Variants in DENND2B observed in about 807,000 individuals in gnomAD.
The protein encoded by DENND2B is DENN domain-containing protein 2B.
In DENND2B, 32 loss-of-function variants were observed where a neutral mutation model predicts 116.0. That is an observed-to-expected ratio of 0.28 (90% CI 0.21 to 0.37). The LOEUF (loss-of-function observed/expected upper bound fraction) is 0.37. Among genes scored for constraint, DENND2B ranks in the 10% least tolerant of loss-of-function variants. DENND2B has a pLI of 1.00. For missense variants in DENND2B, 1,276 were observed against 1,477.7 expected (o/e 0.86, Z 2.24); for synonymous variants, 588 against 583.9 (o/e 1.01, Z -0.10).
intron 1 of DENND2B, among the ~76,000 whole-genome samples, chr11:8,884,180 T>C (rs756950779): frequency 2.0e-4 from 31 of 152,072 alleles, no homozygotes; most frequent in Non-Finnish European, 2.8e-4. Flanking sequence ...TAATTCACGA[T>C]TCAACCAACA....
chr11:8,792,564 AG>A (rs2059478750), intron 1 of DENND2B, among the ~76,000 whole-genome samples: 1 of 152,234 alleles, frequency 6.6e-6, no homozygotes, highest in African/African-American at 2.4e-5. Flanking sequence ...TGTATGTAAA[AG>A]CTCTCACAAG....
chr11:8,806,507 T>C (rs16906056), intron 1 of DENND2B, among the ~76,000 whole-genome samples: 41,667 of 151,602 alleles, frequency 0.27, 5,958 homozygotes, highest in Middle Eastern at 0.38. Context: ...CAACAGTACA[T>C]TCATGACATC....
Position 8,693,357 on chromosome 11 carries a change from G to C in DENND2B, c.*739C>G, listed in dbSNP as rs1433010105. On this transcript the variant is annotated 3_prime_UTR_variant, in exon 20 of 20. Coordinates refer to ENST00000313726, the MANE Select transcript of DENND2B (RefSeq NM_213618.2). Reference sequence around the variant, plus strand: ...AGCCAAGGAACACATGAGGCTCTGGGCCCAAACAACTGTACATTGTTTATT... The same window carrying C: ...AGCCAAGGAACACATGAGGCTCTGGCCCCAAACAACTGTACATTGTTTATT... 6.5e-6 allele frequency: 1 copy of C among 152,702 alleles called. No individual in the cohort carries two copies. Among genetic ancestry groups the C allele is most frequent in the Non-Finnish European group, 1.5e-5 (1 of 68,120 alleles). 9.5% of individuals were successfully genotyped at this position (152,702 alleles called of 1,614,324 possible).
rs759409868 is a variant in DENND2B at position 8,750,666 on chromosome 11, G to T, written c.35C>A (p.Thr12Asn). Reference protein sequence around the residue: ...TMTANKNSSITHGAGGTKAPR... With the variant: ...TMTANKNSSINHGAGGTKAPR... ...GGCTTTAGTGCCACCAGCTCCGTGG[G>T]TGATGCTGGAATTCTTGTTGGCAGT... The change falls in exon 2 of 20, where the codon ACC becomes AAC. Residue 12 changes from threonine to asparagine, a missense_variant. Coordinates refer to ENST00000313726, the MANE Select transcript of DENND2B (RefSeq NM_213618.2). The T allele has an allele frequency of 3.7e-6, 6 of 1,614,034 alleles. No homozygotes were observed. In the East Asian group the frequency reaches 1.3e-4, roughly 36 times the overall value.
At chr11:8,761,063 A>G (rs1454395560) in intron 1 of DENND2B, among the ~76,000 whole-genome samples, 2 of 152,072 alleles carry the variant, frequency 1.3e-5, no homozygotes, top group Non-Finnish European at 2.9e-5. Flanking sequence ...TTCAACCTCA[A>G]CCATTTTTCA....
At chr11:8,762,691 T>A (rs2054899175) in intron 1 of DENND2B, among the ~76,000 whole-genome samples, 1 of 152,136 alleles carries the variant, frequency 6.6e-6, no homozygotes. Flanking sequence ...AGAAATCTCA[T>A]CTCTACTAAA....
rs567812901 is a variant in DENND2B, at chr11:8,696,436, G to C, written c.3283C>G (p.Arg1095Gly). 1 of 1,614,110 alleles carries C rather than the reference G, an allele frequency of 6.2e-7. No individual in the cohort carries two copies. Among genetic ancestry groups the C allele is most frequent in the Non-Finnish European group, 8.5e-7 (1 of 1,180,022 alleles). The change falls in exon 18 of 20, where the codon CGG becomes GGG. Residue 1095 changes from arginine to glycine, a missense_variant. This residue lies in a region of DENND2B where 420 missense variants were observed against 631.1 expected (regional missense o/e 0.67). Coordinates refer to ENST00000313726, the MANE Select transcript of DENND2B (RefSeq NM_213618.2). ...GATAACCAAGACTTACCCTTTGCCCGACACTTTCTTAGCTCCCTGTCTTGG... is the reference window on the plus strand; with the variant it reads ...GATAACCAAGACTTACCCTTTGCCCCACACTTTCTTAGCTCCCTGTCTTGG... ...FIQDRELRKC[R>G]AKGLFEQRVE...
At chr11:8,813,714 C>T (rs2061473056), upstream of DENND2B, among the ~76,000 whole-genome samples, 1 of 152,148 alleles carries the variant, frequency 6.6e-6, no homozygotes, top group Non-Finnish European at 1.5e-5. Context: ...TGAAGTAATC[C>T]AAACTTAAGA....
chr11:8,795,748 C>T (rs1403566254), intron 1 of DENND2B, among the ~76,000 whole-genome samples: 1 of 152,180 alleles, frequency 6.6e-6, no homozygotes, highest in Non-Finnish European at 1.5e-5. Flanking sequence ...CTTCCTGCTT[C>T]CTGGGGAAAG....
At chr11:8,756,185 C>T (rs958119227) in intron 1 of DENND2B, among the ~76,000 whole-genome samples, 1 of 152,046 alleles carries the variant, frequency 6.6e-6, no homozygotes, top group African/African-American at 2.4e-5. Flanking sequence ...GTGGCATGAC[C>T]AGAAACTGAA....
chr11:8,761,527 C>T (rs1346218662), intron 1 of DENND2B, among the ~76,000 whole-genome samples: 1 of 152,238 alleles, frequency 6.6e-6, no homozygotes, highest in Non-Finnish European at 1.5e-5. Flanking sequence ...CACTGGATGA[C>T]ATTTCCTGCA....
chr11:8,828,650 G>A (rs540700334), intron 4 of DENND2B, among the ~76,000 whole-genome samples: 7 of 152,248 alleles, frequency 4.6e-5, no homozygotes, highest in Admixed American at 2.0e-4. Context: ...ACAAGGACTC[G>A]GAGGTGACCA....
chr11:8,733,525 G>A lies in DENND2B; in HGVS notation c.81-2316C>T, dbSNP rs147885746. 2.0e-5 allele frequency among the ~76,000 whole-genome samples: 3 copies of A among 152,286 alleles called. No individual in the cohort carries two copies. In the East Asian group the frequency reaches 5.8e-4, roughly 29 times the overall value. ...TCCTCGTGAAGCTTATATTCTACTG[G>A]GAGATGGCAGGCACCTAATGAGACT... On this transcript the variant is annotated intron_variant, in intron 2 of 19. Coordinates refer to ENST00000313726, the MANE Select transcript of DENND2B (RefSeq NM_213618.2).
chr11:8,714,998 G>C (rs1050381190), intron 6 of DENND2B, among the ~76,000 whole-genome samples: 4 of 152,186 alleles, frequency 2.6e-5, no homozygotes, highest in African/African-American at 9.7e-5. Flanking sequence ...CAGGATGGTA[G>C]CTCCTGGGTC....
rs543588607 is a variant in DENND2B, at chr11:8,747,028, G to A, written c.80+3593C>T. ...AGAAACTACAGACTAGATGAAAACA[G>A]AGTCCAAAGCTAAGATGACCCATTA... On this transcript the variant is annotated intron_variant, in intron 2 of 19. Coordinates refer to ENST00000313726, the MANE Select transcript of DENND2B (RefSeq NM_213618.2). Among the ~76,000 whole-genome samples the A allele has an allele frequency of 7.6e-4, 116 of 152,156 alleles. 2 individuals carry two copies. The South Asian group carries it at 0.023, about 31-fold the overall frequency.
chr11:8,829,026 C>T lies in DENND2B; in HGVS notation c.-115+10284G>A, dbSNP rs111363674. Among the ~76,000 whole-genome samples the T allele has an allele frequency of 4.2e-3, 559 of 133,138 alleles. 8 individuals carry two copies. The highest frequency in any genetic ancestry group is 0.015 in the South Asian group (59 of 3,986). 87.3% of individuals were successfully genotyped at this position (133,138 alleles called of 152,430 possible). A position where few individuals can be genotyped will look rare whatever the true frequency, so the allele number is the denominator to read the frequency against. On this transcript the variant is annotated intron_variant, in intron 4 of 6. Coordinates refer to the DENND2B transcript ENST00000524757. ...TGTAGTATGTGTGGAGTGTGTTGTGCGTGTGTGTGTATGGTGTGTTTGTGT... is the reference window on the plus strand; with the variant it reads ...TGTAGTATGTGTGGAGTGTGTTGTGTGTGTGTGTGTATGGTGTGTTTGTGT...
At chr11:8,821,435 A>AT (rs1345160421) in intron 4 of DENND2B, among the ~76,000 whole-genome samples, 2 of 151,670 alleles carry the variant, frequency 1.3e-5, no homozygotes, top group Admixed American at 6.6e-5. Context: ...AAAAATAAAA[A>AT]AAAAAAATTA....
At chr11:8,781,772 G>T (rs1466043585) in intron 1 of DENND2B, among the ~76,000 whole-genome samples, 1 of 151,996 alleles carries the variant, frequency 6.6e-6, no homozygotes, top group Admixed American at 6.6e-5. Context: ...GGAAAAAGAC[G>T]AAAACCCAAC....
At chr11:8,801,953 C>G in intron 1 of DENND2B, among the ~76,000 whole-genome samples, 2 of 139,068 alleles carry the variant, frequency 1.4e-5, no homozygotes, top group Non-Finnish European at 3.0e-5. Flanking sequence ...TATCGCACCA[C>G]TGCACTCTAG....
Sources: gnomAD v4.1 joint callset for allele counts (sites outside exome capture counted in the v4.1 genomes callset) on GRCh38, gnomAD v4.1.1 for gene constraint, gnomAD v4.1.1 regional missense constraint, MANE v1.5 for transcripts, NCBI Gene and HGNC (gene_info 2026-07-23, HGNC 2026-07-21) for gene names.